The following UBR2 variants were observed in gnomAD, a reference collection of about 807,000 sequenced individuals.
The protein encoded by UBR2 is ubiquitin protein ligase E3 component n-recognin 2, also known as E3 ubiquitin-protein ligase UBR2.
A neutral mutation model predicts 247.9 loss-of-function variants in UBR2; 92 were observed. The observed-to-expected ratio is 0.37, with a 90% CI of 0.31 to 0.44. The LOEUF is 0.44. Ranked by LOEUF, UBR2 falls within the 20% of genes least tolerant of loss-of-function variation. The probability of loss-of-function intolerance (pLI) is 1.00; values close to 1 mark genes in which losing one functional copy is unlikely to be tolerated. For missense variants in UBR2, 1,613 were observed against 2,112.6 expected (o/e 0.76, Z 4.64); for synonymous variants, 672 against 693.5 (o/e 0.97, Z 0.49).
rs1796610908 is a variant in UBR2 at position 42,644,229 on chromosome 6, A to G, written c.2113A>G (p.Met705Val). The G allele has an allele frequency of 2.5e-6, 4 of 1,607,766 alleles. No homozygotes were observed. The South Asian group carries it at 3.3e-5, about 13-fold the overall frequency. ...AAAAAAAAAGACAGGTGTCTCCATG[A>G]TGGATCCAAATCATTTCCTGATGAT... ...VVMLQTGVSM[M>V]DPNHFLMIML... The change falls in exon 19 of 47, where the codon ATG becomes GTG. Residue 705 changes from methionine (M) to valine (V), a missense_variant. Physicochemically the swap from Met to Val is conservative, Grantham distance 21. Coordinates refer to ENST00000372901, the MANE Select transcript of UBR2 (RefSeq NM_001363705.2).
chr6:42,648,296 A>G (rs1413601988), intron 22 of UBR2, 126 bp downstream of exon 22: 2 of 765,234 alleles, frequency 2.6e-6, no homozygotes, highest in East Asian at 5.2e-5. Flanking sequence ...AGACATTTTC[A>G]AATTATAGCT....
Position 42,659,938 on chromosome 6 carries a change from A to G in UBR2, c.3442+83A>G. 1 of 1,344,102 alleles carries G rather than the reference A, an allele frequency of 7.4e-7. No homozygotes were observed. 83.3% of individuals were successfully genotyped at this position (1,344,102 alleles called of 1,614,324 possible). A position where few individuals can be genotyped will look rare whatever the true frequency, so the allele number is the denominator to read the frequency against. Reference sequence around the variant, plus strand: ...TTGGTGATACGTTGAGATTTTTTAAACCTAAAAATAACTCCATGGACTTGG... The same window carrying G: ...TTGGTGATACGTTGAGATTTTTTAAGCCTAAAAATAACTCCATGGACTTGG... On this transcript the variant is annotated intron_variant, in intron 30 of 46. Coordinates refer to ENST00000372901, the MANE Select transcript of UBR2 (RefSeq NM_001363705.2). The surrounding 1 kb of genome is among the most constrained non-coding windows in gnomAD (Gnocchi z 4.3).
chr6:42,575,405 C>G (rs1280337718), intron 2 of UBR2, among the ~76,000 whole-genome samples: 1 of 152,162 alleles, frequency 6.6e-6, no homozygotes, highest in Non-Finnish European at 1.5e-5. Flanking sequence ...ATGTTTGGAG[C>G]AGTAGACCTA....
chr6:42,663,202 C>T, intron 31 of UBR2, 56 bp from the exon 32 acceptor site: 1 of 1,363,018 alleles, frequency 7.3e-7, no homozygotes, highest in Non-Finnish European at 9.7e-7. Context: ...AAGCTTATGG[C>T]TGTCATTTAT....
intron 2 of UBR2, among the ~76,000 whole-genome samples, chr6:42,584,744 A>G (rs1383286774): frequency 6.6e-6 from 1 of 152,054 alleles, no homozygotes; most frequent in Non-Finnish European, 1.5e-5. Flanking sequence ...CTTCTGTTAT[A>G]TTTGTTCCTA....
intron 3 of UBR2, among the ~76,000 whole-genome samples, chr6:42,593,867 C>A (rs1325423024): frequency 6.6e-6 from 1 of 151,980 alleles, no homozygotes; most frequent in South Asian, 2.1e-4. Flanking sequence ...CAACCTGTAG[C>A]GTAGATATCA....
chr6:42,572,219 C>T (rs565161265), intron 1 of UBR2, among the ~76,000 whole-genome samples: 1 of 152,064 alleles, frequency 6.6e-6, no homozygotes, highest in Non-Finnish European at 1.5e-5. Flanking sequence ...ACTCTTTCAC[C>T]GTTTTTGGTT....
rs556378816 is a variant in UBR2, at chr6:42,687,249, G to A, written c.4854-967G>A. 8.5e-5 allele frequency among the ~76,000 whole-genome samples: 13 copies of A among 152,352 alleles called. No homozygotes were observed. In the South Asian group the frequency reaches 1.4e-3, roughly 17 times the overall value. On this transcript the variant is annotated intron_variant, in intron 44 of 46. Coordinates refer to ENST00000372901, the MANE Select transcript of UBR2 (RefSeq NM_001363705.2). ...TGCAATCCTGGCACCTCGGGAGGCC[G>A]AGGCTGGCAGATCACTCGCCGTCAG...
At chr6:42,669,901 C>A (rs1359389905) in intron 34 of UBR2, among the ~76,000 whole-genome samples, 191 bp from the exon 35 acceptor site, 1 of 152,194 alleles carries the variant, frequency 6.6e-6, no homozygotes, top group Non-Finnish European at 1.5e-5. Flanking sequence ...TGCCTCACCC[C>A]TGCTAAGTCA....
chr6:42,617,165 G>A, intron 10 of UBR2: 1 of 1,350,876 alleles, frequency 7.4e-7, no homozygotes. Context: ...ACTTCCTCCA[G>A]CACTGACTTT....
chr6:42,681,649 G>A (rs1231074238), intron 42 of UBR2, among the ~76,000 whole-genome samples: 2 of 152,118 alleles, frequency 1.3e-5, no homozygotes, highest in African/African-American at 2.4e-5. Flanking sequence ...TTGTGCATGG[G>A]ATATAGAAAA....
chr6:42,677,262 G>A (rs1798767102), intron 40 of UBR2, among the ~76,000 whole-genome samples: 2 of 152,140 alleles, frequency 1.3e-5, no homozygotes, highest in Admixed American at 1.3e-4. Context: ...ATATTCAGTA[G>A]TAGCAGGAAT....
At chr6:42,666,773 C>G (rs1423029656) in intron 34 of UBR2, among the ~76,000 whole-genome samples, 2 of 152,110 alleles carry the variant, frequency 1.3e-5, no homozygotes, top group Non-Finnish European at 2.9e-5. Flanking sequence ...AGGATTAAAA[C>G]CAGAATATTT....
intron 43 of UBR2, 37 bp downstream of exon 43, chr6:42,683,148 G>C: frequency 6.4e-7 from 1 of 1,550,986 alleles, no homozygotes; most frequent in Non-Finnish European, 8.9e-7. Context: ...ATTGAGGTGG[G>C]AGAAAGGGTG....
intron 41 of UBR2, 43 bp from the exon 42 acceptor site, chr6:42,679,681 C>G: frequency 7.2e-7 from 1 of 1,395,266 alleles, no homozygotes; most frequent in Non-Finnish European, 1.0e-6. Flanking sequence ...CAGAATATGC[C>G]CTTAGTTGTT....
At position 42,676,764 on chromosome 6, in the gene UBR2, G is replaced by A. The variant is rs1208833249; in HGVS notation, c.4388-19G>A. 9 of 1,594,638 alleles carry A rather than the reference G, an allele frequency of 5.6e-6. No individual in the cohort carries two copies. The highest frequency in any genetic ancestry group is 3.3e-5 in the Admixed American group (2 of 59,974). On this transcript the variant is annotated intron_variant, in intron 39 of 46. Transcript: ENST00000372901. ...CTTAATTGGAAAATACAGAGTACTAGTATTTCCTTATCTTTCAGAAGAGAA... is the reference window on the plus strand; with the variant it reads ...CTTAATTGGAAAATACAGAGTACTAATATTTCCTTATCTTTCAGAAGAGAA...
At chr6:42,601,784 T>G (rs887073433) in intron 4 of UBR2, among the ~76,000 whole-genome samples, 2 of 151,886 alleles carry the variant, frequency 1.3e-5, no homozygotes, top group Admixed American at 6.6e-5. Flanking sequence ...AAAATCTGCT[T>G]CTTACTGAGA....
intron 2 of UBR2, among the ~76,000 whole-genome samples, chr6:42,584,627 A>G (rs1792135626): frequency 6.6e-6 from 1 of 152,218 alleles, no homozygotes; most frequent in Non-Finnish European, 1.5e-5. Context: ...TTTTAACAAT[A>G]CTGAGTTTCC....
At chr6:42,573,321 C>T (rs567136838) in intron 1 of UBR2, among the ~76,000 whole-genome samples, 1 of 152,254 alleles carries the variant, frequency 6.6e-6, no homozygotes, top group Admixed American at 6.5e-5. Context: ...TGTTCATATT[C>T]ACCGTACACT....
Sources: allele counts gnomAD v4.1 joint callset (sites outside exome capture counted in the v4.1 genomes callset), GRCh38; gene constraint gnomAD v4.1.1; non-coding constraint Gnocchi (gnomAD v3.1); transcripts MANE v1.5; gene names NCBI Gene and HGNC (gene_info 2026-07-23, HGNC 2026-07-21).